The following PCDH7 variants were observed in gnomAD, a reference collection of about 807,000 sequenced individuals.
PCDH7 encodes the protein protocadherin 7.
PCDH7 carries 17 observed loss-of-function variants against 58.9 expected under a neutral mutation model. The observed-to-expected ratio is 0.29, with a 90% CI of 0.20 to 0.43. PCDH7 has a LOEUF of 0.43. PCDH7 is among the 20% of genes least tolerant of loss of function. The pLI is 1.00. For missense variants in PCDH7, 1,274 were observed against 1,441.0 expected (o/e 0.88, Z 1.88); for synonymous variants, 664 against 616.4 (o/e 1.08, Z -1.14).
intron 3 of PCDH7, among the ~76,000 whole-genome samples, chr4:31,097,212 T>A (rs1435731833): frequency 6.6e-6 from 1 of 151,990 alleles, no homozygotes; most frequent in Non-Finnish European, 1.5e-5. Context: ...ATCCCAGCAC[T>A]TTGGGAGGCC....
At chr4:31,097,973 A>G (rs1714374840) in intron 3 of PCDH7, among the ~76,000 whole-genome samples, 1 of 152,110 alleles carries the variant, frequency 6.6e-6, no homozygotes, top group South Asian at 2.1e-4. Context: ...ATCTAAATGA[A>G]TGATTTTTTA....
chr4:30,728,445 T>A (rs574704012), intron 1 of PCDH7, among the ~76,000 whole-genome samples: 9 of 151,770 alleles, frequency 5.9e-5, no homozygotes, highest in Non-Finnish European at 4.4e-5. Context: ...AAGGATGTTT[T>A]CATAAGGCAC....
chr4:30,845,466 A>G (rs1731800583), intron 1 of PCDH7, among the ~76,000 whole-genome samples: 2 of 152,162 alleles, frequency 1.3e-5, no homozygotes, highest in Admixed American at 1.3e-4. Context: ...TCTAAATATT[A>G]TGTGAATTTG....
chr4:30,960,330 G>A (rs987374916), intron 3 of PCDH7, among the ~76,000 whole-genome samples: 9 of 152,014 alleles, frequency 5.9e-5, no homozygotes, highest in African/African-American at 1.9e-4. Context: ...GAATGAATTC[G>A]AAAATGAGAA....
intron 1 of PCDH7, among the ~76,000 whole-genome samples, chr4:30,858,591 C>G (rs766733991): frequency 9.2e-5 from 14 of 152,116 alleles, no homozygotes; most frequent in Non-Finnish European, 1.6e-4. Flanking sequence ...TAAAATACCA[C>G]AATTATTTTA....
chr4:30,915,529 T>C (rs1742333588), intron 1 of PCDH7, among the ~76,000 whole-genome samples: 1 of 152,132 alleles, frequency 6.6e-6, no homozygotes, highest in Admixed American at 6.5e-5. Context: ...GTTGTTGTTG[T>C]TGTTGTTGTT....
intron 3 of PCDH7, among the ~76,000 whole-genome samples, chr4:31,113,781 T>C (rs1257413552): frequency 1.3e-5 from 2 of 152,002 alleles, no homozygotes; most frequent in Admixed American, 6.6e-5. Context: ...ATACTTTTAA[T>C]GTTAACATTT....
At chr4:31,000,114 T>G (rs1428982255) in intron 3 of PCDH7, among the ~76,000 whole-genome samples, 2 of 152,140 alleles carry the variant, frequency 1.3e-5, no homozygotes, top group Non-Finnish European at 2.9e-5. Flanking sequence ...AACAAAATTA[T>G]GTGCTGTAGG....
intron 1 of PCDH7, among the ~76,000 whole-genome samples, chr4:30,853,942 A>G (rs1293033833): frequency 1.3e-4 from 20 of 152,080 alleles, no homozygotes. Context: ...TCAACCATGC[A>G]GCCCTGCTGT....
intron 1 of PCDH7, among the ~76,000 whole-genome samples, chr4:30,782,888 G>A (rs1722973163): frequency 6.6e-6 from 1 of 152,170 alleles, no homozygotes; most frequent in African/African-American, 2.4e-5. Context: ...CTTATGACCT[G>A]CTTCAAGGGA....
At chr4:31,139,953 T>G (rs187515934) in intron 3 of PCDH7, among the ~76,000 whole-genome samples, 3 of 152,150 alleles carry the variant, frequency 2.0e-5, no homozygotes, top group African/African-American at 7.2e-5. Flanking sequence ...GCAGCTTGCA[T>G]GTATATGATG....
At chr4:31,055,618 C>A (rs1757098270) in intron 3 of PCDH7, among the ~76,000 whole-genome samples, 1 of 151,726 alleles carries the variant, frequency 6.6e-6, no homozygotes, top group Admixed American at 6.6e-5. Context: ...ATTCTGTTGC[C>A]CAGGCTGGAG....
chr4:30,995,537 G>A (rs1347572885), intron 3 of PCDH7, among the ~76,000 whole-genome samples: 1 of 151,584 alleles, frequency 6.6e-6, no homozygotes, highest in Non-Finnish European at 1.5e-5. Context: ...AAAGATGAAC[G>A]AGGAAGGGTG....
At chr4:30,897,378 G>T (rs920145814) in intron 1 of PCDH7, among the ~76,000 whole-genome samples, 9 of 152,058 alleles carry the variant, frequency 5.9e-5, no homozygotes, top group Admixed American at 5.9e-4. Context: ...TAAATAAGTG[G>T]CTCACTAACT....
intron 1 of PCDH7, among the ~76,000 whole-genome samples, chr4:30,835,246 T>C (rs562273388): frequency 6.6e-6 from 1 of 151,968 alleles, no homozygotes; most frequent in Non-Finnish European, 1.5e-5. Context: ...CCGGTCCAGG[T>C]TCATGGCCTG....
intron 2 of PCDH7, among the ~76,000 whole-genome samples, chr4:30,928,075 A>T (rs572239031): frequency 6.6e-6 from 1 of 152,252 alleles, no homozygotes; most frequent in East Asian, 1.9e-4. Context: ...TCCTGGGCTC[A>T]AGCGATTCTC....
At chr4:31,015,441 T>C (rs1401980540) in intron 3 of PCDH7, among the ~76,000 whole-genome samples, 1 of 152,154 alleles carries the variant, frequency 6.6e-6, no homozygotes. Flanking sequence ...TGGAAACATA[T>C]AACACAAACC....
At chr4:31,045,676 AT>A (rs960719816) in intron 3 of PCDH7, among the ~76,000 whole-genome samples, 2 of 152,006 alleles carry the variant, frequency 1.3e-5, no homozygotes, top group Non-Finnish European at 2.9e-5. Flanking sequence ...CATAAATTCG[AT>A]TATTGCAACC....
chr4:30,775,579 T>C (rs1721951481), intron 1 of PCDH7, among the ~76,000 whole-genome samples: 1 of 152,166 alleles, frequency 6.6e-6, no homozygotes, highest in Admixed American at 6.5e-5. Flanking sequence ...CGAATTTTGC[T>C]TCTGTTGTGC....
Sources: gnomAD v4.1 joint callset for allele counts (sites outside exome capture counted in the v4.1 genomes callset) on GRCh38, gnomAD v4.1.1 for gene constraint, MANE v1.5 for transcripts, NCBI Gene and HGNC (gene_info 2026-07-23, HGNC 2026-07-21) for gene names.